Variants in IFT88 observed in about 807,000 individuals in gnomAD.
The protein encoded by IFT88 is intraflagellar transport 88.
Under a neutral mutation model 119.5 loss-of-function variants are expected in IFT88, and 74 were observed. The observed-to-expected ratio is 0.62, with a 90% CI of 0.51 to 0.75. IFT88 has a LOEUF of 0.75. Ranked by LOEUF, IFT88 falls within the 30% of genes least tolerant of loss-of-function variation. IFT88 has a pLI of 0.00. For synonymous variants in IFT88, 279 were observed against 316.7 expected (o/e 0.88, Z 1.26); for missense variants, 961 against 977.7 (o/e 0.98, Z 0.23).
chr13:20,626,153 C>T (rs561416969), intron 15 of IFT88, among the ~76,000 whole-genome samples: 52 of 139,516 alleles, frequency 3.7e-4, no homozygotes, highest in East Asian at 3.2e-3. Flanking sequence ...CTCTGCCTCC[C>T]GGGTTCACAC....
At chr13:20,615,212 T>C (rs1042955598) in intron 13 of IFT88, among the ~76,000 whole-genome samples, 1 of 152,196 alleles carries the variant, frequency 6.6e-6, no homozygotes, top group African/African-American at 2.4e-5. Flanking sequence ...ACTACTTATA[T>C]ATAAATTCAA....
intron 3 of IFT88, among the ~76,000 whole-genome samples, chr13:20,586,303 A>C (rs2039651159): frequency 6.6e-6 from 1 of 152,234 alleles, no homozygotes; most frequent in Admixed American, 6.5e-5. Context: ...GGTTCACTTA[A>C]GAGGACAAAA....
At chr13:20,652,345 G>A (rs758144758) in intron 20 of IFT88, among the ~76,000 whole-genome samples, 3 of 152,102 alleles carry the variant, frequency 2.0e-5, no homozygotes, top group Non-Finnish European at 4.4e-5. Context: ...CTTAATAAAA[G>A]GATACATACT....
chr13:20,586,678 C>T (rs2039725309), intron 3 of IFT88, among the ~76,000 whole-genome samples: 1 of 152,100 alleles, frequency 6.6e-6, no homozygotes, highest in African/African-American at 2.4e-5. Context: ...ATGGTCTTCC[C>T]CTCAGTTGGT....
chr13:20,689,848 A>G (rs529006720), intron 24 of IFT88, among the ~76,000 whole-genome samples: 127 of 152,324 alleles, frequency 8.3e-4, no homozygotes, highest in Non-Finnish European at 1.5e-3. Flanking sequence ...ACCCGTATAC[A>G]TTTCTGCATG....
intron 20 of IFT88, among the ~76,000 whole-genome samples, chr13:20,648,280 C>T (rs2497498): frequency 0.16 from 24,916 of 152,088 alleles, 2,392 homozygotes; most frequent in African/African-American, 0.25. Flanking sequence ...CCTATAGTCC[C>T]AGCTACTCAG....
At position 20,625,840 on chromosome 13, in the gene IFT88, C is replaced by A; in HGVS notation, c.1290C>A (p.Asp430Glu). Reference sequence around the variant, plus strand: ...CAGTTACATACTTGAGACAAAAAGACTATAACCAAGTAAGTTTTAAAAAAA... The same window carrying A: ...CAGTTACATACTTGAGACAAAAAGAATATAACCAAGTAAGTTTTAAAAAAA... Reference protein sequence around the residue: ...NKAVTYLRQKDYNQAVEILKV... With the variant: ...NKAVTYLRQKEYNQAVEILKV... The change falls in exon 15 of 26, where the codon GAC becomes GAA. Residue 430 changes from aspartate (D) to glutamate (E), a missense_variant. By Grantham distance (45) the Asp-to-Glu change is conservative. Transcript: ENST00000351808. The A allele has an allele frequency of 6.3e-7, 1 of 1,579,586 alleles. No individual in the cohort carries two copies. The highest frequency in any genetic ancestry group is 1.9e-5 in the Admixed American group (1 of 52,234).
At chr13:20,681,862 C>G (rs2057358950) in intron 24 of IFT88, among the ~76,000 whole-genome samples, 1 of 152,216 alleles carries the variant, frequency 6.6e-6, no homozygotes, top group Non-Finnish European at 1.5e-5. Context: ...TATAGGGCGT[C>G]TGGAAAACTT....
At chr13:20,677,205 A>G (rs1839465339) in intron 24 of IFT88, among the ~76,000 whole-genome samples, 1 of 152,168 alleles carries the variant, frequency 6.6e-6, no homozygotes, top group Non-Finnish European at 1.5e-5. Context: ...AGTATTGCCT[A>G]TACAGTAGCT....
At chr13:20,646,571 G>A (rs1286641583) in intron 20 of IFT88, among the ~76,000 whole-genome samples, 2 of 152,070 alleles carry the variant, frequency 1.3e-5, no homozygotes, top group East Asian at 1.9e-4. Context: ...ATTCGCCTCA[G>A]CCTCCCAAAG....
intron 13 of IFT88, chr13:20,607,733 G>T: frequency 1.3e-6 from 1 of 757,924 alleles, no homozygotes; most frequent in South Asian, 1.3e-5. Context: ...CTGGCTGTCA[G>T]CGGCTTCTGT....
At chr13:20,585,933 C>A (rs2039585989) in intron 3 of IFT88, among the ~76,000 whole-genome samples, 1 of 152,184 alleles carries the variant, frequency 6.6e-6, no homozygotes, top group Non-Finnish European at 1.5e-5. Context: ...GTAAGCTTTT[C>A]AAAGAGGCAG....
chr13:20,605,092 A>T lies in IFT88; in HGVS notation c.1099A>T (p.Met367Leu). Residue 367 changes from methionine to leucine, a missense_variant, in exon 13 of 26, where the codon ATG becomes TTG. Met to Leu is a conservative substitution (Grantham distance 15, BLOSUM62 2). Transcript: ENST00000351808. ...TATAAAAAATGATCACCTCAGGCAA[A>T]TGGAACGTGAAAGGTAATATTTTAA... ...EAIKNDHLRQ[M>L]ERERKAMAEK... The T allele has an allele frequency of 6.9e-7, 1 of 1,446,288 alleles. No individual in the cohort carries two copies. Among genetic ancestry groups the T allele is most frequent in the Non-Finnish European group, 9.7e-7 (1 of 1,035,404 alleles). 89.6% of individuals were successfully genotyped at this position (1,446,288 alleles called of 1,614,324 possible). A position where few individuals can be genotyped will look rare whatever the true frequency, so the allele number is the denominator to read the frequency against.
At chr13:20,635,566 T>G (rs893114206) in intron 16 of IFT88, among the ~76,000 whole-genome samples, 4 of 152,234 alleles carry the variant, frequency 2.6e-5, no homozygotes, top group Admixed American at 6.5e-5. Context: ...CTGTGGCTCT[T>G]GGCTCGGCCT....
intron 23 of IFT88, among the ~76,000 whole-genome samples, chr13:20,667,191 A>G (rs2054857996): frequency 6.6e-6 from 1 of 152,172 alleles, no homozygotes; most frequent in South Asian, 2.1e-4. Flanking sequence ...ATCCACTCCA[A>G]AGTGATAAGA....
At chr13:20,582,892 T>A (rs2038971889) in intron 2 of IFT88, 65 bp from the exon 3 acceptor site, 24 of 1,313,704 alleles carry the variant, frequency 1.8e-5, no homozygotes, top group Non-Finnish European at 2.5e-5. Context: ...AAACAGCAGT[T>A]TAAACTTATT....
At chr13:20,621,526 T>TAAAAAAAAAAAA (rs200491393) in intron 14 of IFT88, among the ~76,000 whole-genome samples, 6 of 130,740 alleles carry the variant, frequency 4.6e-5, no homozygotes, top group Admixed American at 7.4e-5. Context: ...CCTGCTGAGA[T>TAAAAAAAAAAAA]AAAAAAAAAA....
intron 11 of IFT88, among the ~76,000 whole-genome samples, chr13:20,599,934 A>G (rs775202299): frequency 2.0e-5 from 3 of 151,868 alleles, no homozygotes; most frequent in Non-Finnish European, 4.4e-5. Context: ...GTAGCTTGAG[A>G]ATGAAATAGA....
At chr13:20,596,059 A>ATAAAG (rs1417112353) in intron 7 of IFT88, 91 bp from the exon 8 acceptor site, 13 of 296,980 alleles carry the variant, frequency 4.4e-5, no homozygotes, top group African/African-American at 3.1e-4. Context: ...TGTCTGTAAA[A>ATAAAG]TAAAATAAAA....
Sources: allele counts gnomAD v4.1 joint callset (sites outside exome capture counted in the v4.1 genomes callset), GRCh38; gene constraint gnomAD v4.1.1; transcripts MANE v1.5; gene names NCBI Gene and HGNC (gene_info 2026-07-23, HGNC 2026-07-21).